The following PPFIBP2 variants were observed in gnomAD, a reference collection of about 807,000 sequenced individuals.
PPFIBP2 encodes the protein liprin-beta-2.
In PPFIBP2, 118 loss-of-function variants were observed where a neutral mutation model predicts 118.3. That is an observed-to-expected ratio of 1.00 (90% confidence interval 0.86 to 1.16). PPFIBP2 has a LOEUF of 1.16. Ranked by LOEUF, PPFIBP2 falls within the 50% of genes most tolerant of loss-of-function variation. PPFIBP2 has a pLI of 0.00. For synonymous variants in PPFIBP2, 414 were observed against 397.4 expected, an observed-to-expected ratio of 1.04 and a Z score of -0.50; for missense variants, 1,195 against 1,073.1, an observed-to-expected ratio of 1.11 and a Z score of -1.59.
chr11:7,533,662 G>A (rs1318990887), intron 1 of PPFIBP2, among the ~76,000 whole-genome samples: 1 of 152,166 alleles, frequency 6.6e-6, no homozygotes, highest in Admixed American at 6.5e-5. Flanking sequence ...AGGTTTTCTG[G>A]CAGTGGTCAT....
the PPFIBP2 span, chr11:7,666,304 C>T: frequency 8.0e-6 from 5 of 621,288 alleles, no homozygotes; most frequent in South Asian, 1.0e-4. Context: ...CAATTTCTCA[C>T]ATTTCCCATC....
At chr11:7,632,789 A>G in intron 11 of PPFIBP2, 78 bp from the exon 12 acceptor site, 1 of 1,149,918 alleles carries the variant, frequency 8.7e-7, no homozygotes, top group Non-Finnish European at 1.3e-6. Flanking sequence ...AAAAGGAATC[A>G]TGTGAAGCAG....
chr11:7,555,923 C>A (rs1011979752), intron 2 of PPFIBP2, among the ~76,000 whole-genome samples: 1 of 152,028 alleles, frequency 6.6e-6, no homozygotes, highest in African/African-American at 2.4e-5. Flanking sequence ...AGATTTTTTT[C>A]TTTTAATGGT....
chr11:7,666,717 C>G, the PPFIBP2 span: 1 of 539,706 alleles, frequency 1.9e-6, no homozygotes, highest in African/African-American at 1.9e-5. Flanking sequence ...TCCTGAAGCT[C>G]AAACCCTTTG....
At chr11:7,605,836 C>G (rs545098963) in intron 5 of PPFIBP2, 1 of 1,377,758 alleles carries the variant, frequency 7.3e-7, no homozygotes, top group African/African-American at 1.5e-5. Flanking sequence ...AGAAGCAAAG[C>G]AAACACATTC....
chr11:7,581,840 G>A (rs977062506), intron 3 of PPFIBP2, among the ~76,000 whole-genome samples: 3 of 150,504 alleles, frequency 2.0e-5, no homozygotes, highest in Non-Finnish European at 4.4e-5. Flanking sequence ...TAGATAGATA[G>A]ATTTTTTTTT....
intron 3 of PPFIBP2, 100 bp from the exon 4 acceptor site, chr11:7,593,032 A>G: frequency 6.7e-7 from 1 of 1,490,794 alleles, no homozygotes; most frequent in South Asian, 1.3e-5. Flanking sequence ...AATCAGTGAA[A>G]CTATCCTCAC....
rs1314617651 is a variant in PPFIBP2 at position 7,620,838 on chromosome 11, G to A, written c.619-97G>A. ...AAAGCTGTTATGTGGAGCTTGATGT[G>A]GTTGCTGCACCCCATATGCATGAGC... On this transcript the variant is annotated intron_variant, in intron 6 of 23. Coordinates refer to ENST00000299492, the MANE Select transcript of PPFIBP2 (RefSeq NM_003621.5). 3 of 813,162 alleles carry A rather than the reference G, an allele frequency of 3.7e-6. No individual in the cohort carries two copies. The African/African-American group carries it at 5.1e-5, about 14-fold the overall frequency. 50.4% of individuals were successfully genotyped at this position (813,162 alleles called of 1,614,324 possible).
chr11:7,519,897 C>T (rs1564932940), intron 1 of PPFIBP2, among the ~76,000 whole-genome samples: 1 of 152,112 alleles, frequency 6.6e-6, no homozygotes, highest in South Asian at 2.1e-4. Flanking sequence ...TAACCAGGTT[C>T]CCGGGGAAGC....
At chr11:7,515,217 T>A (rs1849130136) in intron 1 of PPFIBP2, among the ~76,000 whole-genome samples, 1 of 152,184 alleles carries the variant, frequency 6.6e-6, no homozygotes, top group Non-Finnish European at 1.5e-5. Flanking sequence ...AAATTTGAAG[T>A]GGGAGATGGG....
intron 4 of PPFIBP2, chr11:7,597,325 G>T (rs1427977675): frequency 6.5e-7 from 1 of 1,535,678 alleles, no homozygotes; most frequent in South Asian, 1.2e-5. Flanking sequence ...ATCAAGAGCA[G>T]TAAACGTGAC....
intron 2 of PPFIBP2, among the ~76,000 whole-genome samples, chr11:7,550,583 C>T (rs1285875454): frequency 2.0e-5 from 3 of 152,098 alleles, no homozygotes; most frequent in Admixed American, 6.6e-5. Context: ...GATAGAGGGC[C>T]CTTGAGAAGC....
chr11:7,559,782 C>T (rs1364969754), intron 2 of PPFIBP2, among the ~76,000 whole-genome samples: 1 of 152,102 alleles, frequency 6.6e-6, no homozygotes, highest in African/African-American at 2.4e-5. Context: ...ACCTCAAGCC[C>T]CAATCTCGGT....
In PPFIBP2 at chr11:7,635,787, T is replaced by G. The variant is rs535116370; in HGVS notation, c.1236+194T>G. Among the ~76,000 whole-genome samples, 11 of 152,360 alleles carry G rather than the reference T, an allele frequency of 7.2e-5. No individual in the cohort carries two copies. The South Asian group carries it at 2.3e-3, about 32-fold the overall frequency. ...GCTATTTAATATGCTTTTGCTATCA[T>G]TATCTGTGGGACAGGATTTATTATT... On this transcript the variant is annotated intron_variant, in intron 14 of 23. Transcript: ENST00000299492.
At chr11:7,554,851 T>A (rs1853425492) in intron 2 of PPFIBP2, among the ~76,000 whole-genome samples, 1 of 147,914 alleles carries the variant, frequency 6.8e-6, no homozygotes, top group Non-Finnish European at 1.5e-5. Context: ...CTCAGTATTT[T>A]ATATCAGAAA....
intron 11 of PPFIBP2, 127 bp from the exon 12 acceptor site, chr11:7,632,740 T>G: frequency 1.4e-6 from 1 of 693,758 alleles, no homozygotes. Flanking sequence ...TATAATGATG[T>G]ATCCACCATG....
At chr11:7,663,123 C>T in the PPFIBP2 span, among the ~76,000 whole-genome samples, 57 of 130,572 alleles carry the variant, frequency 4.4e-4, 2 homozygotes, top group African/African-American at 1.3e-3. Context: ...GTAATTTGAT[C>T]GTCTGAAGCC....
chr11:7,663,676 C>G, the PPFIBP2 span, among the ~76,000 whole-genome samples: 2 of 152,222 alleles, frequency 1.3e-5, no homozygotes, highest in Admixed American at 6.5e-5. Context: ...TGGGCTCCAC[C>G]CAGTTCGAGC....
At chr11:7,617,111 G>A (rs573641616) in intron 6 of PPFIBP2, 1 of 985,284 alleles carries the variant, frequency 1.0e-6, no homozygotes, top group African/African-American at 1.7e-5. Flanking sequence ...CCTTCCTACA[G>A]TCGGTTCTGA....
Sources: allele counts gnomAD v4.1 joint callset (sites outside exome capture counted in the v4.1 genomes callset), GRCh38; gene constraint gnomAD v4.1.1; transcripts MANE v1.5; gene names NCBI Gene and HGNC (gene_info 2026-07-23, HGNC 2026-07-21).